Variants in ADAM18 observed in about 807,000 individuals in gnomAD.
The protein encoded by ADAM18 is ADAM metallopeptidase domain 18, also known as disintegrin and metalloproteinase domain-containing protein 18.
Under a neutral mutation model 94.4 loss-of-function variants are expected in ADAM18, and 117 were observed. The observed-to-expected ratio is 1.24, with a 90% CI of 1.07 to 1.45. The LOEUF (loss-of-function observed/expected upper bound fraction) is 1.45. Among genes scored for constraint, ADAM18 ranks in the 40% most tolerant of loss-of-function variants. The pLI is 0.00. For missense variants in ADAM18, 936 were observed against 880.0 expected, an observed-to-expected ratio of 1.06 and a Z score of -0.81; for synonymous variants, 327 against 291.6, an observed-to-expected ratio of 1.12 and a Z score of -1.24.
intron 11 of ADAM18, 92 bp from the exon 12 acceptor site, chr8:39,648,252 T>A (rs1290488404): frequency 1.0e-6 from 1 of 974,180 alleles, no homozygotes; most frequent in Non-Finnish European, 1.4e-6. Flanking sequence ...GGGGTGGCCA[T>A]CTTGTGATTT....
At chr8:39,699,249 T>C (rs1261067586) in intron 17 of ADAM18, among the ~76,000 whole-genome samples, 1 of 152,156 alleles carries the variant, frequency 6.6e-6, no homozygotes, top group Non-Finnish European at 1.5e-5. Flanking sequence ...AATTGCATGT[T>C]GAATTATTCT....
In ADAM18 at chr8:39,610,599, A is replaced by G. The variant is rs369509127; in HGVS notation, c.415A>G (p.Ile139Val). ...PVESSARFEH[I>V]IYQMKNNDPN... ...AGAATCTTCAGCAAGATTTGAGCAT[A>G]TAATTTATCAAATGAAAAATAATGA... The change falls in exon 6 of 20, where the codon ATA becomes GTA. Residue 139 changes from isoleucine to valine, a missense_variant. Physicochemically the swap from Ile to Val is conservative, Grantham distance 29. Coordinates refer to ENST00000265707, the MANE Select transcript of ADAM18 (RefSeq NM_014237.3). The G allele has an allele frequency of 1.9e-6, 3 of 1,612,882 alleles. No homozygotes were observed. The highest frequency in any genetic ancestry group is 2.5e-6 in the Non-Finnish European group (3 of 1,179,204).
At chr8:39,680,289 T>A in intron 16 of ADAM18, 63 bp downstream of exon 16, 1 of 1,401,510 alleles carries the variant, frequency 7.1e-7, no homozygotes, top group South Asian at 1.3e-5. Context: ...AGATACTGCA[T>A]TCCATGATGA....
At chr8:39,589,809 A>G (rs61467426) in intron 2 of ADAM18, among the ~76,000 whole-genome samples, 36,953 of 152,078 alleles carry the variant, frequency 0.24, 4,781 homozygotes, top group East Asian at 0.48. Context: ...AATGCCATTT[A>G]TGCAGCCAAA....
intron 2 of ADAM18, among the ~76,000 whole-genome samples, chr8:39,597,600 A>C (rs1050315094): frequency 6.6e-6 from 1 of 152,118 alleles, no homozygotes; most frequent in African/African-American, 2.4e-5. Flanking sequence ...TACATAGATC[A>C]ATTTCTGTGC....
At chr8:39,712,037 C>CG (rs1180152861) in intron 18 of ADAM18, among the ~76,000 whole-genome samples, 1 of 144,348 alleles carries the variant, frequency 6.9e-6, no homozygotes, top group African/African-American at 2.6e-5. Context: ...AGAAGGCCCC[C>CG]CCCCGAGAAA....
intron 6 of ADAM18, among the ~76,000 whole-genome samples, chr8:39,624,888 C>T (rs551747684): frequency 6.6e-6 from 1 of 152,290 alleles, no homozygotes; most frequent in African/African-American, 2.4e-5. Flanking sequence ...TCTGAGGTTT[C>T]CCAGAAGCTG....
chr8:39,618,451 G>T (rs1022566556), intron 6 of ADAM18, among the ~76,000 whole-genome samples: 1 of 152,184 alleles, frequency 6.6e-6, no homozygotes, highest in African/African-American at 2.4e-5. Context: ...ACAGAGATAA[G>T]AATTTACAAT....
Position 39,637,601 on chromosome 8 carries a change from A to G in ADAM18, c.725A>G (p.Gln242Arg). Residue 242 changes from glutamine (Q) to arginine (R), a missense_variant, in exon 9 of 20, where the codon CAG becomes CGG. Transcript: ENST00000265707. ...SSLELWSNEN[Q>R]ISTSGDADDI... ...TTGGAATTGTGGTCAAATGAAAACC[A>G]GATTTCCACCAGTGGGGATGCTGAT... 1 of 1,612,986 alleles carries G rather than the reference A, an allele frequency of 6.2e-7. No homozygotes were observed. The highest frequency in any genetic ancestry group is 1.1e-5 in the South Asian group (1 of 91,008).
intron 2 of ADAM18, among the ~76,000 whole-genome samples, chr8:39,586,963 G>A (rs1818421754): frequency 6.6e-6 from 1 of 152,092 alleles, no homozygotes; most frequent in Admixed American, 6.6e-5. Context: ...TGAGAGACAT[G>A]CAGTATTCAT....
At chr8:39,700,332 G>C (rs1822030651) in intron 17 of ADAM18, among the ~76,000 whole-genome samples, 1 of 152,096 alleles carries the variant, frequency 6.6e-6, no homozygotes, top group Non-Finnish European at 1.5e-5. Context: ...TATGTAAGCA[G>C]TTTTCTCATT....
At chr8:39,611,781 TAG>T (rs943177972) in intron 6 of ADAM18, among the ~76,000 whole-genome samples, 21 of 151,862 alleles carry the variant, frequency 1.4e-4, no homozygotes, top group Middle Eastern at 3.2e-3. Context: ...GTATAAAAAA[TAG>T]AGTTTTTCTT....
chr8:39,704,867 A>G (rs953995178), intron 17 of ADAM18, among the ~76,000 whole-genome samples: 12 of 152,038 alleles, frequency 7.9e-5, no homozygotes, highest in African/African-American at 2.7e-4. Flanking sequence ...AAAGTATAAT[A>G]TATTTAGATT....
At chr8:39,585,125 A>G in intron 1 of ADAM18, 151 bp from the exon 2 acceptor site, 1 of 616,900 alleles carries the variant, frequency 1.6e-6, no homozygotes, top group East Asian at 2.9e-5. Flanking sequence ...ATGTAGTGAA[A>G]TTTGTGGACT....
chr8:39,693,032 C>G lies in ADAM18; in HGVS notation c.1902+352C>G, dbSNP rs149414702. Among the ~76,000 whole-genome samples, 279 of 151,618 alleles carry G rather than the reference C, an allele frequency of 1.8e-3. 3 individuals carry two copies. The highest frequency in any genetic ancestry group is 6.2e-3 in the African/African-American group (258 of 41,506). On this transcript the variant is annotated intron_variant, in intron 17 of 19. Coordinates refer to ENST00000265707, the MANE Select transcript of ADAM18 (RefSeq NM_014237.3). ...ATTTTACAGAGTATACTTAAAAACA[C>G]GTTGACATATCAGGGAATATTTTTT...
chr8:39,728,838 G>T (rs994328744), intron 19 of ADAM18, among the ~76,000 whole-genome samples: 1 of 152,148 alleles, frequency 6.6e-6, no homozygotes, highest in African/African-American at 2.4e-5. Flanking sequence ...TTGCATGAAA[G>T]GTATACAAGC....
At chr8:39,621,372 A>G (rs911992466) in intron 6 of ADAM18, among the ~76,000 whole-genome samples, 9 of 149,360 alleles carry the variant, frequency 6.0e-5, no homozygotes, top group Non-Finnish European at 1.2e-4. Flanking sequence ...ACCCATGTCA[A>G]TGTCCTGGTT....
chr8:39,726,265 C>CAA (rs1309035373), intron 19 of ADAM18, among the ~76,000 whole-genome samples: 18 of 150,268 alleles, frequency 1.2e-4, no homozygotes, highest in Admixed American at 1.1e-3. Flanking sequence ...TCTACACACA[C>CAA]ACACACACAC....
Position 39,680,082 on chromosome 8 carries a change from T to C in ADAM18, c.1677T>C (p.Asn559=), listed in dbSNP as rs745437384. The change falls in exon 16 of 20, where the codon AAT becomes AAC. Residue 559 remains asparagine (N), a synonymous_variant. Coordinates refer to ENST00000265707, the MANE Select transcript of ADAM18 (RefSeq NM_014237.3). ...GKLACVQPHK[N]ANKSDAQSTV... ...TAGCTTGTGTTCAGCCACATAAAAA[T>C]GCTAATAAAAGTGACGCTCAATCTA... 1.2e-6 allele frequency: 2 copies of C among 1,613,822 alleles called. No individual in the cohort carries two copies. Among genetic ancestry groups the C allele is most frequent in the East Asian group, 4.5e-5 (2 of 44,864 alleles).
Sources: allele counts gnomAD v4.1 joint callset (sites outside exome capture counted in the v4.1 genomes callset), GRCh38; gene constraint gnomAD v4.1.1; transcripts MANE v1.5; gene names NCBI Gene and HGNC (gene_info 2026-07-23, HGNC 2026-07-21).